Variants in GPC5 observed in about 807,000 individuals in gnomAD.
GPC5 encodes the protein glypican-5.
A neutral mutation model predicts 53.9 loss-of-function variants in GPC5; 47 were observed. That is an observed-to-expected ratio of 0.87 (90% CI 0.69 to 1.11). The LOEUF (loss-of-function observed/expected upper bound fraction) is 1.11, where lower values mean the gene tolerates loss of function less well. Among genes scored for constraint, GPC5 ranks in the 50% most tolerant of loss-of-function variants. The pLI, the probability that GPC5 is intolerant of heterozygous loss-of-function variation, is 0.00. For synonymous variants in GPC5, 286 were observed against 263.3 expected (o/e 1.09, Z -0.84); for missense variants, 748 against 713.1 (o/e 1.05, Z -0.56).
intron 6 of GPC5, among the ~76,000 whole-genome samples, chr13:91,943,882 A>G (rs1365516436): frequency 6.6e-6 from 1 of 151,554 alleles, no homozygotes; most frequent in Non-Finnish European, 1.5e-5. Flanking sequence ...TTTTTTTAAG[A>G]AAAAAAAGAT....
At chr13:92,599,312 G>C (rs1021891449) in intron 7 of GPC5, among the ~76,000 whole-genome samples, 3 of 152,154 alleles carry the variant, frequency 2.0e-5, no homozygotes, top group Non-Finnish European at 2.9e-5. Flanking sequence ...TTGCAGGAAG[G>C]GATGCCTATG....
intron 6 of GPC5, among the ~76,000 whole-genome samples, chr13:91,998,836 G>T (rs1035477111): frequency 6.6e-6 from 1 of 152,160 alleles, no homozygotes; most frequent in African/African-American, 2.4e-5. Flanking sequence ...GTCCTGGTAT[G>T]AGAAAACCTA....
chr13:92,795,663 G>T (rs1318369974), intron 7 of GPC5, among the ~76,000 whole-genome samples: 1 of 150,806 alleles, frequency 6.6e-6, no homozygotes, highest in Non-Finnish European at 1.5e-5. Context: ...AATCTACAAA[G>T]AACTTAAAAA....
chr13:92,846,169 A>G (rs372734967), intron 7 of GPC5, among the ~76,000 whole-genome samples: 1 of 152,136 alleles, frequency 6.6e-6, no homozygotes, highest in East Asian at 1.9e-4. Context: ...TGGCAACAGG[A>G]TAGAGAAGTG....
At chr13:92,201,635 C>A (rs1387335908) in intron 7 of GPC5, among the ~76,000 whole-genome samples, 1 of 151,972 alleles carries the variant, frequency 6.6e-6, no homozygotes, top group Non-Finnish European at 1.5e-5. Context: ...TAGTAGGATT[C>A]CCACAAGTTG....
chr13:92,783,738 T>C (rs2138765095), intron 7 of GPC5, among the ~76,000 whole-genome samples: 1 of 152,234 alleles, frequency 6.6e-6, no homozygotes, highest in South Asian at 2.1e-4. Context: ...CCCTTGTCTA[T>C]TTTCCTACTG....
At chr13:92,811,415 A>G (rs532865649) in intron 7 of GPC5, among the ~76,000 whole-genome samples, 7 of 151,930 alleles carry the variant, frequency 4.6e-5, no homozygotes, top group African/African-American at 1.7e-4. Flanking sequence ...CTTATTAACC[A>G]TTTGTATTTT....
chr13:92,203,507 G>C (rs867926582), intron 7 of GPC5, among the ~76,000 whole-genome samples: 20 of 109,146 alleles, frequency 1.8e-4, no homozygotes, highest in African/African-American at 5.3e-4. Flanking sequence ...GGAGGGGGGA[G>C]GGATAGCATT....
chr13:92,301,310 T>C (rs1322115829), intron 7 of GPC5, among the ~76,000 whole-genome samples: 2 of 152,166 alleles, frequency 1.3e-5, no homozygotes, highest in African/African-American at 2.4e-5. Context: ...GACTCTATTA[T>C]TGGAAATTGG....
rs34042033 is a variant in GPC5 at position 92,124,248 on chromosome 13, G to GAAAAAAA, written c.1402-20563_1402-20557dup. On this transcript the variant is annotated intron_variant, in intron 6 of 7. Coordinates refer to ENST00000377067, the MANE Select transcript of GPC5 (RefSeq NM_004466.6). ...CTCCCATCTTAACTCCGGACAGAAT[G>GAAAAAAA]AAAAAAAAAAAAAAAAAAAAAAAAA... Among the ~76,000 whole-genome samples, 155 of 54,960 alleles carry GAAAAAAA rather than the reference G, an allele frequency of 2.8e-3. 2 individuals carry two copies. Among genetic ancestry groups the GAAAAAAA allele is most frequent in the African/African-American group, 3.9e-3 (54 of 13,922 alleles). The allele number at this position is 54,960 out of a possible 152,430, so 36.1% of individuals were successfully genotyped here. A position where few individuals can be genotyped will look rare whatever the true frequency, so the allele number is the denominator to read the frequency against.
At chr13:91,655,585 T>C (rs16946424) in intron 2 of GPC5, among the ~76,000 whole-genome samples, 13,803 of 152,016 alleles carry the variant, frequency 0.091, 2,058 homozygotes, top group African/African-American at 0.31. Flanking sequence ...CCAACAAATA[T>C]TTTATACTAG....
intron 5 of GPC5, among the ~76,000 whole-genome samples, chr13:91,820,177 A>G (rs2038469218): frequency 6.6e-6 from 1 of 151,882 alleles, no homozygotes; most frequent in Non-Finnish European, 1.5e-5. Context: ...CTCTTACATT[A>G]TGGTTTGCAT....
Position 92,666,883 on chromosome 13 carries a change from C to T in GPC5, c.1562-199399C>T, listed in dbSNP as rs1386971716. On this transcript the variant is annotated intron_variant, in intron 7 of 7. Transcript: ENST00000377067. ...TTCCAAGAGGAGCTATATTGTGGACCTTATATTCCCCTCATAGTTGCTTCA... is the reference window on the plus strand; with the variant it reads ...TTCCAAGAGGAGCTATATTGTGGACTTTATATTCCCCTCATAGTTGCTTCA... Among the ~76,000 whole-genome samples, 7 of 152,218 alleles carry T rather than the reference C, an allele frequency of 4.6e-5. No homozygotes were observed. In the South Asian group the frequency reaches 1.5e-3, roughly 32 times the overall value.
At chr13:92,076,493 C>T (rs2041253306) in intron 6 of GPC5, among the ~76,000 whole-genome samples, 1 of 151,950 alleles carries the variant, frequency 6.6e-6, no homozygotes, top group South Asian at 2.1e-4. Context: ...AGGTTGAAGA[C>T]CACTGAAGAA....
At chr13:91,491,575 T>G (rs1883944557) in intron 2 of GPC5, among the ~76,000 whole-genome samples, 1 of 152,278 alleles carries the variant, frequency 6.6e-6, no homozygotes, top group African/African-American at 2.4e-5. Context: ...CTTAAAATAA[T>G]AAAAAATTAT....
intron 7 of GPC5, among the ~76,000 whole-genome samples, chr13:92,388,300 T>C (rs1296922167): frequency 1.3e-5 from 2 of 152,124 alleles, no homozygotes; most frequent in East Asian, 1.9e-4. Context: ...AATGGATTTC[T>C]ATATCTGATA....
At chr13:92,371,322 G>A (rs1377008176) in intron 7 of GPC5, among the ~76,000 whole-genome samples, 2 of 152,108 alleles carry the variant, frequency 1.3e-5, no homozygotes, top group Non-Finnish European at 2.9e-5. Flanking sequence ...TTATTTCTGT[G>A]TATGATACAT....
intron 3 of GPC5, among the ~76,000 whole-genome samples, chr13:91,724,254 T>C (rs2036532542): frequency 2.0e-5 from 3 of 152,168 alleles, no homozygotes; most frequent in Non-Finnish European, 4.4e-5. Flanking sequence ...TTATGTATCA[T>C]TATTATTATC....
chr13:91,689,500 A>G (rs1269795274), intron 2 of GPC5, among the ~76,000 whole-genome samples: 1 of 151,086 alleles, frequency 6.6e-6, no homozygotes. Context: ...TTAAACTTCA[A>G]TTTTTAAAAA....
Sources: allele counts gnomAD v4.1 joint callset (sites outside exome capture counted in the v4.1 genomes callset), GRCh38; gene constraint gnomAD v4.1.1; transcripts MANE v1.5; gene names NCBI Gene and HGNC (gene_info 2026-07-23, HGNC 2026-07-21).